Variants in TGM6 observed in about 807,000 individuals in gnomAD.
TGM6 encodes the protein transglutaminase 6.
A neutral mutation model predicts 77.5 loss-of-function variants in TGM6; 74 were observed. The ratio of observed to expected loss-of-function variants is 0.96; its 90% CI spans 0.79 to 1.16. The LOEUF (loss-of-function observed/expected upper bound fraction) is 1.16, where lower values mean the gene tolerates loss of function less well. Ranked by LOEUF, TGM6 falls within the 50% of genes most tolerant of loss-of-function variation. The pLI is 0.00. For synonymous variants in TGM6, 383 were observed against 378.9 expected (o/e 1.01, Z -0.12); for missense variants, 968 against 940.2 (o/e 1.03, Z -0.39).
intron 10 of TGM6, among the ~76,000 whole-genome samples, chr20:2,421,048 G>A (rs1167296479): frequency 1.3e-5 from 2 of 151,972 alleles, no homozygotes; most frequent in East Asian, 3.9e-4. Flanking sequence ...GTGCAGTGGT[G>A]CGATTTTGGC....
At chr20:2,395,661 G>C (rs2084660259) in intron 3 of TGM6, among the ~76,000 whole-genome samples, 1 of 152,190 alleles carries the variant, frequency 6.6e-6, no homozygotes, top group South Asian at 2.1e-4. Flanking sequence ...AGGCCCAGGG[G>C]TGGGTAAGAG....
At chr20:2,393,772 C>T (rs2084643732) in intron 1 of TGM6, among the ~76,000 whole-genome samples, 1 of 152,086 alleles carries the variant, frequency 6.6e-6, no homozygotes, top group African/African-American at 2.4e-5. Context: ...GGCAATCCGC[C>T]CACCTCGGCC....
Position 2,403,610 on chromosome 20 carries a change from A to G in TGM6, c.1123A>G (p.Thr375Ala), listed in dbSNP as rs1176488864. 1 of 1,614,024 alleles carries G rather than the reference A, an allele frequency of 6.2e-7. No individual in the cohort carries two copies. Among genetic ancestry groups the G allele is most frequent in the Non-Finnish European group, 8.5e-7 (1 of 1,180,016 alleles). Reference sequence around the variant, plus strand: ...GTTCCGGTGCGGCCCAGCCTCAGTCACCGCCATCCGCGAGGGTGATGTGCA... The same window carrying G: ...GTTCCGGTGCGGCCCAGCCTCAGTCGCCGCCATCCGCGAGGGTGATGTGCA... ...GVFRCGPASV[T>A]AIREGDVHLA... The change falls in exon 9 of 13, where the codon ACC (threonine) becomes GCC (alanine). Residue 375 changes from threonine (T) to alanine (A), a missense_variant. Physicochemically the swap from Thr to Ala is moderately conservative, Grantham distance 58. Transcript: ENST00000202625.
rs759580224 is a variant in TGM6, at chr20:2,396,671, G to A, written c.543+47G>A. 5 of 1,579,822 alleles carry A rather than the reference G, an allele frequency of 3.2e-6. 1 individual carries two copies. The South Asian group carries it at 5.5e-5, about 18-fold the overall frequency. ...ACAAGGATGTGGGCTGGGGCATGGG[G>A]AGGTCGGTGGGACTGGAGTCCCTCT... On this transcript the variant is annotated intron_variant, in intron 4 of 12. Coordinates refer to ENST00000202625, the MANE Select transcript of TGM6 (RefSeq NM_198994.3).
At position 2,432,639 on chromosome 20, in the gene TGM6, A is replaced by G; in HGVS notation, c.2117A>G (p.Lys706Arg). ...GTGATCGTCCATGTGGCCACTGCCA[A>G]GTGATGGATCATGAGGGACTGAGAG... is the stretch of plus-strand genomic sequence containing the variant. ...GFVIVHVATA[K>R] The change falls in exon 13 of 13, where the codon AAG becomes AGG. Residue 706 changes from lysine to arginine, a missense_variant. By Grantham distance (26) the Lys-to-Arg change is conservative. Transcript: ENST00000202625. 1.2e-6 allele frequency: 2 copies of G among 1,614,074 alleles called. No individual in the cohort carries two copies. The highest frequency in any genetic ancestry group is 2.7e-5 in the African/African-American group (2 of 75,002).
intron 3 of TGM6, among the ~76,000 whole-genome samples, chr20:2,396,276 T>C (rs1437174754): frequency 1.3e-5 from 2 of 152,052 alleles, no homozygotes; most frequent in African/African-American, 4.8e-5. Context: ...CCCAAAGCTG[T>C]CAGTTCCCAT....
At chr20:2,406,396 A>G (rs1326634389) in intron 9 of TGM6, among the ~76,000 whole-genome samples, 1 of 151,034 alleles carries the variant, frequency 6.6e-6, no homozygotes, top group Non-Finnish European at 1.5e-5. Flanking sequence ...AGGAGGCTCC[A>G]GTGGGAGGAA....
At chr20:2,397,158 C>T (rs186883313) in intron 4 of TGM6, among the ~76,000 whole-genome samples, 110 of 152,328 alleles carry the variant, frequency 7.2e-4, no homozygotes, top group Non-Finnish European at 1.2e-3. Flanking sequence ...GTGAAAGGAA[C>T]CTCCACTTCG....
intron 12 of TGM6, among the ~76,000 whole-genome samples, chr20:2,431,998 T>C (rs2084926714): frequency 6.6e-6 from 1 of 152,114 alleles, no homozygotes; most frequent in Admixed American, 6.6e-5. Flanking sequence ...GGGAAGAGTG[T>C]GGGTGGTAGA....
chr20:2,430,154 C>T (rs1215119026), intron 10 of TGM6, among the ~76,000 whole-genome samples: 1 of 152,064 alleles, frequency 6.6e-6, no homozygotes, highest in Non-Finnish European at 1.5e-5. Context: ...TTGGAAACAT[C>T]TCTGGGGGCT....
At chr20:2,430,407 A>T in intron 10 of TGM6, 39 bp from the exon 11 acceptor site, 1 of 1,613,784 alleles carries the variant, frequency 6.2e-7, no homozygotes, top group South Asian at 1.1e-5. Context: ...TTGAAGAAAG[A>T]CATCAAGCCC....
chr20:2,388,382 T>C (rs1418615672), intron 1 of TGM6, among the ~76,000 whole-genome samples: 3 of 152,206 alleles, frequency 2.0e-5, no homozygotes, highest in Admixed American at 6.5e-5. Context: ...TTCTAGGCTG[T>C]GACTCCTATG....
chr20:2,428,562 G>A (rs1445090280), intron 10 of TGM6, among the ~76,000 whole-genome samples: 1 of 151,984 alleles, frequency 6.6e-6, no homozygotes, highest in African/African-American at 2.4e-5. Context: ...CACCATGCAA[G>A]GAGTAAATGA....
rs752476956 is a variant in TGM6 at position 2,399,743 on chromosome 20, C to T, written c.850+5C>T. 25 of 1,612,896 alleles carry T rather than the reference C, an allele frequency of 1.6e-5. No homozygotes were observed. Among genetic ancestry groups the T allele is most frequent in the Non-Finnish European group, 2.0e-5 (24 of 1,179,498 alleles). On this transcript the variant is annotated splice_donor_5th_base_variant and intron_variant, in intron 6 of 12. Coordinates refer to ENST00000202625, the MANE Select transcript of TGM6 (RefSeq NM_198994.3). ...TCGCCGGAGTCCTGTGCACAGGTAC[C>T]CTGGGAGAGAAGGGCCCCAGGGTAC... is the stretch of plus-strand genomic sequence containing the variant.
chr20:2,384,339 C>T (rs148192914), intron 1 of TGM6, among the ~76,000 whole-genome samples: 295 of 152,170 alleles, frequency 1.9e-3, no homozygotes, highest in African/African-American at 6.3e-3. Context: ...AAACCCTAGA[C>T]GAAAGATATT....
chr20:2,391,208 C>T, intron 1 of TGM6, among the ~76,000 whole-genome samples: 1 of 151,532 alleles, frequency 6.6e-6, no homozygotes, highest in Admixed American at 6.6e-5. Context: ...ATGAAAGGGG[C>T]CATAGTACCT....
At chr20:2,425,741 GT>G (rs933037881) in intron 10 of TGM6, among the ~76,000 whole-genome samples, 46 of 152,098 alleles carry the variant, frequency 3.0e-4, no homozygotes, top group African/African-American at 1.1e-3. Context: ...ATATATATTA[GT>G]AATACATATT....
chr20:2,386,173 T>A (rs925674768), intron 1 of TGM6, among the ~76,000 whole-genome samples: 3 of 152,156 alleles, frequency 2.0e-5, no homozygotes, highest in African/African-American at 7.2e-5. Flanking sequence ...AGAGGGACAC[T>A]GGCTAGGACA....
At chr20:2,419,106 AGTCT>A (rs1404379318) in intron 10 of TGM6, among the ~76,000 whole-genome samples, 1 of 151,904 alleles carries the variant, frequency 6.6e-6, no homozygotes, top group Admixed American at 6.6e-5. Context: ...CTTTTTTCCT[AGTCT>A]GTCTGTCTGT....
Sources: allele counts gnomAD v4.1 joint callset (sites outside exome capture counted in the v4.1 genomes callset), GRCh38; gene constraint gnomAD v4.1.1; transcripts MANE v1.5; gene names NCBI Gene and HGNC (gene_info 2026-07-23, HGNC 2026-07-21).